PRELID2: variants seen among roughly 807,000 people sequenced by gnomAD.
PRELID2 encodes the protein PRELI domain containing 2, also known as PRELI domain-containing protein 2.
Under a neutral mutation model 28.4 loss-of-function variants are expected in PRELID2, and 25 were observed. The ratio of observed to expected loss-of-function variants is 0.88; its 90% confidence interval spans 0.64 to 1.23. The LOEUF is 1.23. PRELID2 is among the 50% of genes most tolerant of loss of function. The pLI, the probability that PRELID2 is intolerant of heterozygous loss-of-function variation, is 0.00. For missense variants in PRELID2, 201 were observed against 214.4 expected (o/e 0.94, Z 0.39); for synonymous variants, 76 against 71.6 (o/e 1.06, Z -0.31).
chr5:145,303,134 A>G, the PRELID2 span, among the ~76,000 whole-genome samples: 1 of 152,202 alleles, frequency 6.6e-6, no homozygotes, highest in Non-Finnish European at 1.5e-5. Context: ...ACAATATTAT[A>G]ACTACTTATA....
the PRELID2 span, among the ~76,000 whole-genome samples, chr5:145,277,665 C>A: frequency 6.6e-6 from 1 of 152,130 alleles, no homozygotes. Flanking sequence ...AGATAATAAA[C>A]CTCAGCTCTC....
intron 1 of PRELID2, among the ~76,000 whole-genome samples, chr5:145,527,079 A>G (rs1752615012): frequency 1.3e-5 from 2 of 152,224 alleles, no homozygotes; most frequent in African/African-American, 4.8e-5. Context: ...GGAATAACAT[A>G]TAAGTTGTTT....
chr5:145,555,672 G>C (rs1752874588), intron 1 of PRELID2, among the ~76,000 whole-genome samples: 1 of 152,108 alleles, frequency 6.6e-6, no homozygotes, highest in South Asian at 2.1e-4. Context: ...TGCTGAAGCT[G>C]ATCAATTAGG....
the PRELID2 span, among the ~76,000 whole-genome samples, chr5:145,258,246 C>T: frequency 6.6e-6 from 1 of 152,160 alleles, no homozygotes; most frequent in African/African-American, 2.4e-5. Flanking sequence ...GAGGAGTGGG[C>T]ATTGCTATAA....
chr5:145,584,700 CATT>C (rs1753136797), intron 1 of PRELID2, among the ~76,000 whole-genome samples: 1 of 152,144 alleles, frequency 6.6e-6, no homozygotes, highest in East Asian at 1.9e-4. Flanking sequence ...CATCACTGAT[CATT>C]AGAGAAATGC....
At chr5:145,416,210 C>T in the PRELID2 span, among the ~76,000 whole-genome samples, 42 of 151,610 alleles carry the variant, frequency 2.8e-4, no homozygotes, top group African/African-American at 9.9e-4. Context: ...GGTTGGCTAG[C>T]CATATGTAGA....
At chr5:145,537,716 T>C (rs1363616559) in intron 1 of PRELID2, among the ~76,000 whole-genome samples, 2 of 151,940 alleles carry the variant, frequency 1.3e-5, no homozygotes, top group South Asian at 2.1e-4. Context: ...TTAAGTTCAT[T>C]ATATATTCAT....
the PRELID2 span, among the ~76,000 whole-genome samples, chr5:145,316,602 C>A: frequency 8.3e-4 from 127 of 152,278 alleles, 1 homozygote; most frequent in East Asian, 0.023. Flanking sequence ...AAGACAGTTC[C>A]TGTTAAGATA....
At chr5:145,810,821 T>G (rs1753874049) in intron 4 of PRELID2, among the ~76,000 whole-genome samples, 1 of 152,114 alleles carries the variant, frequency 6.6e-6, no homozygotes, top group South Asian at 2.1e-4. Flanking sequence ...ATCATACAGA[T>G]GAAGAAACCG....
the PRELID2 span, among the ~76,000 whole-genome samples, chr5:145,452,073 T>C: frequency 1.3e-5 from 2 of 152,202 alleles, no homozygotes; most frequent in Non-Finnish European, 2.9e-5. Flanking sequence ...GCATGCATAC[T>C]GTTGTAACTT....
the PRELID2 span, among the ~76,000 whole-genome samples, chr5:145,260,565 A>T: frequency 3.3e-5 from 5 of 152,182 alleles, no homozygotes; most frequent in African/African-American, 1.2e-4. Flanking sequence ...TTTCTAAAAA[A>T]TTTTTTATGT....
At chr5:145,387,997 A>C in the PRELID2 span, among the ~76,000 whole-genome samples, 40 of 152,266 alleles carry the variant, frequency 2.6e-4, no homozygotes, top group East Asian at 7.1e-3. Flanking sequence ...ACTCTGTTAA[A>C]AAATATTTAA....
intron 1 of PRELID2, among the ~76,000 whole-genome samples, chr5:145,731,080 C>T (rs1042369705): frequency 1.3e-5 from 2 of 152,176 alleles, no homozygotes; most frequent in African/African-American, 4.8e-5. Context: ...CTAAAGAAAA[C>T]CTGTCTTTAA....
chr5:145,603,295 A>G (rs1004770139), intron 1 of PRELID2, among the ~76,000 whole-genome samples: 1 of 129,372 alleles, frequency 7.7e-6, no homozygotes, highest in African/African-American at 4.9e-5. Context: ...GCAGCTAGAA[A>G]AAAAAAAAAG....
chr5:145,265,542 G>A, the PRELID2 span, among the ~76,000 whole-genome samples: 1 of 152,106 alleles, frequency 6.6e-6, no homozygotes, highest in Non-Finnish European at 1.5e-5. Flanking sequence ...CAAAACTGGA[G>A]ACATCACATT....
the PRELID2 span, among the ~76,000 whole-genome samples, chr5:145,263,373 C>A: frequency 6.6e-6 from 1 of 152,080 alleles, no homozygotes; most frequent in South Asian, 2.1e-4. Flanking sequence ...CCAATAACTG[C>A]AGAATGTATC....
At chr5:145,678,507 C>T (rs189199112) in intron 1 of PRELID2, among the ~76,000 whole-genome samples, 4 of 152,264 alleles carry the variant, frequency 2.6e-5, no homozygotes, top group East Asian at 1.9e-4. Context: ...TTTCCCTATA[C>T]ACAGTAAATT....
At chr5:145,685,968 G>T (rs987115379) in intron 1 of PRELID2, among the ~76,000 whole-genome samples, 1 of 152,128 alleles carries the variant, frequency 6.6e-6, no homozygotes, top group African/African-American at 2.4e-5. Context: ...CCCTGATATC[G>T]CCATTCTTTG....
intron 5 of PRELID2, among the ~76,000 whole-genome samples, chr5:145,787,517 T>A (rs1752074942): frequency 6.7e-6 from 1 of 149,648 alleles, no homozygotes; most frequent in Non-Finnish European, 1.5e-5. Context: ...GCATGCTGTC[T>A]CAACAGGGCA....
Sources: allele counts gnomAD v4.1 joint callset (sites outside exome capture counted in the v4.1 genomes callset), GRCh38; gene constraint gnomAD v4.1.1; transcripts MANE v1.5; gene names NCBI Gene and HGNC (gene_info 2026-07-23, HGNC 2026-07-21).